RRH: variants seen among roughly 807,000 people sequenced by gnomAD.
The protein encoded by RRH is visual pigment-like receptor peropsin.
Under a neutral mutation model 33.1 loss-of-function variants are expected in RRH, and 36 were observed. That is an observed-to-expected ratio of 1.09 (90% confidence interval 0.83 to 1.44). The LOEUF is 1.44. RRH is among the 40% of genes most tolerant of loss of function. The pLI, the probability that RRH is intolerant of heterozygous loss-of-function variation, is 0.00. For synonymous variants in RRH, 124 were observed against 140.2 expected (o/e 0.88, Z 0.82); for missense variants, 393 against 420.2 (o/e 0.94, Z 0.57).
At chr4:109,841,361 G>A (rs1300623012) in intron 5 of RRH, among the ~76,000 whole-genome samples, 1 of 152,110 alleles carries the variant, frequency 6.6e-6, no homozygotes, top group South Asian at 2.1e-4. Context: ...TTTCAATACA[G>A]TACTGAAGTG....
At chr4:109,841,310 A>G (rs1733976852) in intron 5 of RRH, among the ~76,000 whole-genome samples, 1 of 152,036 alleles carries the variant, frequency 6.6e-6, no homozygotes, top group Admixed American at 6.6e-5. Flanking sequence ...AAGTTTTTTC[A>G]CACTCAGTGC....
chr4:109,843,451 C>T (rs142763672), intron 6 of RRH, among the ~76,000 whole-genome samples: 1,985 of 152,270 alleles, frequency 0.013, 42 homozygotes, highest in African/African-American at 0.044. Flanking sequence ...CCTCGTGATC[C>T]GCCCGCCTCG....
intron 1 of RRH, among the ~76,000 whole-genome samples, chr4:109,832,741 A>G (rs1230330559): frequency 1.3e-5 from 2 of 152,120 alleles, no homozygotes; most frequent in Admixed American, 1.3e-4. Context: ...CTATCGAAAA[A>G]GAAGAGCCCC....
intron 6 of RRH, 89 bp from the exon 7 acceptor site, chr4:109,843,994 C>A: frequency 1.2e-6 from 1 of 817,152 alleles, no homozygotes; most frequent in East Asian, 2.5e-5. Context: ...TGTAAATTGG[C>A]AGTAGTGGCA....
chr4:109,835,732 CT>C (rs1733867727), intron 3 of RRH, among the ~76,000 whole-genome samples: 1 of 152,232 alleles, frequency 6.6e-6, no homozygotes, highest in Non-Finnish European at 1.5e-5. Context: ...GAAAGCTACT[CT>C]TCCTGCTTAT....
intron 1 of RRH, among the ~76,000 whole-genome samples, chr4:109,832,082 C>A (rs1160477249): frequency 6.6e-6 from 1 of 151,102 alleles, no homozygotes; most frequent in African/African-American, 2.4e-5. Context: ...CAACTCTATT[C>A]CTGCTTGTTG....
intron 3 of RRH, 77 bp from the exon 4 acceptor site, chr4:109,835,930 C>G (rs1579361673): frequency 1.9e-6 from 3 of 1,567,546 alleles, no homozygotes; most frequent in African/African-American, 2.7e-5. Flanking sequence ...CTTGATAACA[C>G]TTACAAATCA....
In RRH at chr4:109,835,686, A is replaced by G. The variant is rs116660079; in HGVS notation, c.397+221A>G. ...ACTTTGAGGTACGGTCCAAGCCCAA[A>G]GTGAGGTTTTCATACCTGCTGTTTT... On this transcript the variant is annotated intron_variant, in intron 3 of 6. Transcript: ENST00000317735. Among the ~76,000 whole-genome samples, 3,081 of 152,266 alleles carry G rather than the reference A, an allele frequency of 0.02. 49 individuals carry two copies. The highest frequency in any genetic ancestry group is 0.027 in the Non-Finnish European group (1,853 of 68,006).
At chr4:109,831,284 G>T (rs1733745494) in intron 1 of RRH, among the ~76,000 whole-genome samples, 2 of 152,208 alleles carry the variant, frequency 1.3e-5, no homozygotes, top group African/African-American at 4.8e-5. Context: ...AATCCTAGAT[G>T]CTAAAAATAG....
At chr4:109,837,970 G>A (rs1004655372) in intron 5 of RRH, among the ~76,000 whole-genome samples, 1 of 152,020 alleles carries the variant, frequency 6.6e-6, no homozygotes, top group African/African-American at 2.4e-5. Flanking sequence ...GTAGAGATGG[G>A]GTTTCACCAT....
intron 1 of RRH, among the ~76,000 whole-genome samples, chr4:109,831,781 A>G (rs1282391778): frequency 6.6e-6 from 1 of 152,112 alleles, no homozygotes; most frequent in African/African-American, 2.4e-5. Context: ...AGGTTGGGAA[A>G]TTTGGATTGT....
intron 1 of RRH, among the ~76,000 whole-genome samples, chr4:109,830,656 T>TA (rs35416379): frequency 3.9e-5 from 6 of 151,990 alleles, no homozygotes; most frequent in Non-Finnish European, 8.8e-5. Flanking sequence ...AGGTGTCCAA[T>TA]AAAAAGCTGG....
intron 5 of RRH, among the ~76,000 whole-genome samples, chr4:109,841,518 A>C (rs756684210): frequency 2.5e-4 from 38 of 152,048 alleles, no homozygotes; most frequent in Non-Finnish European, 4.1e-4. Context: ...TTGGAAGTCT[A>C]CTTTCTTTGT....
rs775938570 is a variant in RRH, at chr4:109,837,565, C to T, written c.680C>T (p.Ser227Phe). ...CACACTACCAGTGACTGCACTGAGTCCCTCAACAGAGACTGGTCAGATCAG... is the reference window on the plus strand; with the variant it reads ...CACACTACCAGTGACTGCACTGAGTTCCTCAACAGAGACTGGTCAGATCAG... ...KHHTTSDCTE[S>F]LNRDWSDQID... is the part of the protein sequence containing the mutation. Residue 227 changes from serine (S) to phenylalanine (F), a missense_variant, in exon 5 of 7, where the codon TCC (serine) becomes TTC (phenylalanine). By Grantham distance (155) the Ser-to-Phe change is radical. Coordinates refer to ENST00000317735, the MANE Select transcript of RRH (RefSeq NM_006583.5). 1 of 1,613,948 alleles carries T rather than the reference C, an allele frequency of 6.2e-7. No individual in the cohort carries two copies. The highest frequency in any genetic ancestry group is 1.7e-5 in the Admixed American group (1 of 60,012).
At position 109,832,495 on chromosome 4, in the gene RRH, AGT is replaced by A. The variant is rs36127904; in HGVS notation, c.107-607_107-606del. Among the ~76,000 whole-genome samples, 1,078 of 135,274 alleles carry A rather than the reference AGT, an allele frequency of 8.0e-3. 14 individuals carry two copies. Among genetic ancestry groups the A allele is most frequent in the African/African-American group, 0.024 (820 of 33,970 alleles). 88.7% of individuals were successfully genotyped at this position (135,274 alleles called of 152,430 possible). On this transcript the variant is annotated intron_variant, in intron 1 of 6. Transcript: ENST00000317735. ...GTAGTATGCATTCTTCTATTGGGGT[AGT>A]GTGTGTGTGTGTGTGTGTGTGTGTG...
chr4:109,837,709 A>G (rs548201514), intron 5 of RRH, 104 bp downstream of exon 5: 3 of 805,870 alleles, frequency 3.7e-6, no homozygotes, highest in South Asian at 2.9e-5. Flanking sequence ...CTCATCTCCA[A>G]TTCTCACTCC....
intron 4 of RRH, among the ~76,000 whole-genome samples, chr4:109,836,519 T>C (rs1733887735): frequency 6.6e-6 from 1 of 152,224 alleles, no homozygotes; most frequent in Non-Finnish European, 1.5e-5. Context: ...TGTGCAGTTC[T>C]GGCAAAAGCC....
intron 5 of RRH, 149 bp from the exon 6 acceptor site, chr4:109,842,320 G>T (rs530865624): frequency 1.4e-6 from 1 of 699,788 alleles, no homozygotes; most frequent in Non-Finnish European, 2.3e-6. Context: ...AACATTGAAG[G>T]CAGAAAAAAA....
At chr4:109,842,331 A>G (rs947774871) in intron 5 of RRH, 138 bp from the exon 6 acceptor site, 1 of 786,044 alleles carries the variant, frequency 1.3e-6, no homozygotes, top group Non-Finnish European at 2.0e-6. Flanking sequence ...CAGAAAAAAA[A>G]CTCAACTATT....
Sources: allele counts gnomAD v4.1 joint callset (sites outside exome capture counted in the v4.1 genomes callset), GRCh38; gene constraint gnomAD v4.1.1; transcripts MANE v1.5; gene names NCBI Gene and HGNC (gene_info 2026-07-23, HGNC 2026-07-21).